The following THRB variants were observed in gnomAD, a reference collection of about 807,000 sequenced individuals.
THRB encodes the protein nuclear receptor subfamily 1 group A member 2.
THRB carries 12 observed loss-of-function variants against 47.8 expected under a neutral mutation model. That is an observed-to-expected ratio of 0.25 (90% confidence interval 0.16 to 0.41). THRB has a LOEUF of 0.41. Among genes scored for constraint, THRB ranks in the 10% least tolerant of loss-of-function variants. The pLI is 1.00. For synonymous variants in THRB, 218 were observed against 212.2 expected, an observed-to-expected ratio of 1.03 and a Z score of -0.24; for missense variants, 348 against 589.2, an observed-to-expected ratio of 0.59 and a Z score of 4.24.
intron 3 of THRB, among the ~76,000 whole-genome samples, chr3:24,229,723 G>T (rs1394466388): frequency 6.6e-6 from 1 of 152,194 alleles, no homozygotes; most frequent in Non-Finnish European, 1.5e-5. Context: ...GGACACTGGT[G>T]GGTGATGAAC....
At chr3:24,155,118 T>A (rs2037616953) in intron 5 of THRB, among the ~76,000 whole-genome samples, 1 of 152,214 alleles carries the variant, frequency 6.6e-6, no homozygotes, top group African/African-American at 2.4e-5. Flanking sequence ...TATTCCTACC[T>A]GTAGTTCAAC....
chr3:24,278,951 C>T (rs997213935), intron 3 of THRB, among the ~76,000 whole-genome samples: 1 of 150,112 alleles, frequency 6.7e-6, no homozygotes, highest in South Asian at 2.1e-4. Context: ...ATCAAGTGAT[C>T]CTTCCCCCTC....
chr3:24,300,642 A>G (rs970587096), intron 2 of THRB, among the ~76,000 whole-genome samples: 14 of 152,204 alleles, frequency 9.2e-5, no homozygotes, highest in Admixed American at 3.3e-4. Flanking sequence ...TTCAAAGACC[A>G]CAGGAATGTA....
chr3:24,412,603 C>A (rs1303399165), intron 1 of THRB, among the ~76,000 whole-genome samples: 1 of 151,782 alleles, frequency 6.6e-6, no homozygotes, highest in Non-Finnish European at 1.5e-5. Flanking sequence ...TTCTCATATT[C>A]TCCTACTGTG....
At chr3:24,183,368 CTTTTTTTTTT>C (rs1193344905) in intron 5 of THRB, among the ~76,000 whole-genome samples, 1 of 84,272 alleles carries the variant, frequency 1.2e-5, no homozygotes, top group Non-Finnish European at 2.5e-5. Context: ...TTTTTCTTTT[CTTTTTTTTTT>C]TTTTTTGAGA....
chr3:24,125,499 C>T (rs544496543), intron 10 of THRB, among the ~76,000 whole-genome samples: 9 of 152,256 alleles, frequency 5.9e-5, no homozygotes, highest in Middle Eastern at 3.4e-3. Flanking sequence ...ATATAATTCC[C>T]GTGTATGTAG....
At chr3:24,280,116 G>A (rs1308005215) in intron 3 of THRB, among the ~76,000 whole-genome samples, 1 of 152,154 alleles carries the variant, frequency 6.6e-6, no homozygotes, top group Non-Finnish European at 1.5e-5. Context: ...AGCCAAGATG[G>A]CCAAATAGGA....
intron 4 of THRB, among the ~76,000 whole-genome samples, chr3:24,210,111 A>C (rs1251854362): frequency 6.6e-6 from 1 of 152,146 alleles, no homozygotes; most frequent in Non-Finnish European, 1.5e-5. Flanking sequence ...CAATGTGGCA[A>C]GTTCAGGGGA....
intron 5 of THRB, among the ~76,000 whole-genome samples, chr3:24,161,147 T>G (rs2149235906): frequency 6.6e-6 from 1 of 152,346 alleles, no homozygotes; most frequent in South Asian, 2.1e-4. Flanking sequence ...TTTAACCTTT[T>G]GTACAGTGAA....
At chr3:24,313,619 T>C (rs573731732) in intron 2 of THRB, among the ~76,000 whole-genome samples, 1 of 152,212 alleles carries the variant, frequency 6.6e-6, no homozygotes, top group African/African-American at 2.4e-5. Context: ...TCACTTGATA[T>C]ATAGTTACTT....
chr3:24,327,257 A>AC lies in THRB; in HGVS notation c.-189+10042dup, dbSNP rs553596045. 9.0e-3 allele frequency among the ~76,000 whole-genome samples: 1,361 copies of AC among 150,456 alleles called. 10 individuals are homozygous for AC. Among genetic ancestry groups the AC allele is most frequent in the African/African-American group, 0.021 (845 of 40,940 alleles). On this transcript the variant is annotated intron_variant, in intron 2 of 10. Transcript: ENST00000646209. The stretch of plus-strand genomic sequence containing the variant: ...TGTTCATCCAAGTAAATGCTCAGGG[A>AC]CCCCCCCCACCGCCACCCTCATTCT...
intron 3 of THRB, among the ~76,000 whole-genome samples, chr3:24,269,605 T>C (rs1205351511): frequency 6.8e-6 from 1 of 147,242 alleles, no homozygotes; most frequent in Non-Finnish European, 1.5e-5. Flanking sequence ...TTTAATTTTT[T>C]TTTTTTTTTT....
At chr3:24,363,939 T>C (rs1269037375) in intron 1 of THRB, among the ~76,000 whole-genome samples, 2 of 152,182 alleles carry the variant, frequency 1.3e-5, no homozygotes, top group African/African-American at 4.8e-5. Context: ...CCATTTCTTA[T>C]ATGAGTCCCA....
intron 3 of THRB, among the ~76,000 whole-genome samples, chr3:24,251,458 A>AG (rs1406536152): frequency 2.0e-5 from 3 of 152,128 alleles, no homozygotes; most frequent in Non-Finnish European, 1.5e-5. Context: ...AACCTAGTGG[A>AG]GAAAAAAAGG....
intron 5 of THRB, among the ~76,000 whole-genome samples, chr3:24,170,878 A>G (rs62255847): frequency 0.26 from 39,742 of 151,994 alleles, 5,351 homozygotes; most frequent in Admixed American, 0.35. Context: ...AAAAGATAAA[A>G]TGTTACATAT....
intron 3 of THRB, among the ~76,000 whole-genome samples, chr3:24,232,499 G>A (rs566438406): frequency 1.3e-5 from 2 of 152,182 alleles, no homozygotes; most frequent in Middle Eastern, 3.4e-3. Flanking sequence ...CAGACCTTTA[G>A]GCCCTTCTTT....
intron 4 of THRB, among the ~76,000 whole-genome samples, chr3:24,214,513 G>A (rs943466188): frequency 6.6e-6 from 1 of 152,204 alleles, no homozygotes; most frequent in East Asian, 1.9e-4. Flanking sequence ...GAGACAAGAA[G>A]GAGTCAAAGA....
At chr3:24,279,193 G>A (rs903425531) in intron 3 of THRB, among the ~76,000 whole-genome samples, 7 of 152,016 alleles carry the variant, frequency 4.6e-5, no homozygotes, top group African/African-American at 9.7e-5. Flanking sequence ...TTGGTACTTC[G>A]ATTCCATAAA....
At chr3:24,241,845 C>T (rs781481363) in intron 3 of THRB, among the ~76,000 whole-genome samples, 7 of 152,080 alleles carry the variant, frequency 4.6e-5, no homozygotes, top group African/African-American at 1.7e-4. Flanking sequence ...AGGTGGGGTT[C>T]GGGTCCTATG....
Sources: allele counts gnomAD v4.1 joint callset (sites outside exome capture counted in the v4.1 genomes callset), GRCh38; gene constraint gnomAD v4.1.1; transcripts MANE v1.5; gene names NCBI Gene and HGNC (gene_info 2026-07-23, HGNC 2026-07-21).